UNK: variants seen among roughly 807,000 people sequenced by gnomAD.
The protein encoded by UNK is unk zinc finger.
A neutral mutation model predicts 97.6 loss-of-function variants in UNK; 32 were observed. That is an observed-to-expected ratio of 0.33 (90% CI 0.25 to 0.44). The LOEUF (loss-of-function observed/expected upper bound fraction) is 0.44. Ranked by LOEUF, UNK falls within the 20% of genes least tolerant of loss-of-function variation. The pLI is 1.00. For synonymous variants in UNK, 441 were observed against 461.2 expected (o/e 0.96, Z 0.56); for missense variants, 771 against 1,098.4 (o/e 0.70, Z 4.21).
intron 1 of UNK, chr17:75,785,221 G>A: frequency 6.0e-6 from 3 of 498,398 alleles, no homozygotes; most frequent in Non-Finnish European, 1.1e-5. Context: ...GGGAAGGCGG[G>A]AGCTCGGGAT....
intron 1 of UNK, among the ~76,000 whole-genome samples, chr17:75,798,794 C>T (rs562064920): frequency 3.9e-5 from 6 of 151,936 alleles, no homozygotes; most frequent in Admixed American, 6.6e-5. Context: ...TTGCTGGGCA[C>T]GGTGGCTCAC....
At chr17:75,803,977 T>A (rs2061887281) in intron 1 of UNK, among the ~76,000 whole-genome samples, 1 of 152,210 alleles carries the variant, frequency 6.6e-6, no homozygotes, top group African/African-American at 2.4e-5. Context: ...TTCAGGGAAG[T>A]CATGTTGATG....
At position 75,824,119 on chromosome 17, in the gene UNK, C is replaced by A; in HGVS notation, c.2278-143C>A. The stretch of plus-strand genomic sequence containing the variant: ...TGGACTCAGCCTGCTCTCTCACCTG[C>A]CAACAGGGGTCTGGGAGCACACTGT... On this transcript the variant is annotated intron_variant, in intron 15 of 15. Coordinates refer to ENST00000589666, the MANE Select transcript of UNK (RefSeq NM_001080419.3). The surrounding 1 kb of genome is among the most constrained non-coding windows in gnomAD (Gnocchi z 4.9). 9.7e-7 allele frequency: 1 copy of A among 1,035,318 alleles called. No homozygotes were observed. The highest frequency in any genetic ancestry group is 1.3e-6 in the Non-Finnish European group (1 of 758,624). The allele number at this position is 1,035,318 out of a possible 1,614,324, so 64.1% of individuals were successfully genotyped here. A position where few individuals can be genotyped will look rare whatever the true frequency, so the allele number is the denominator to read the frequency against.
chr17:75,806,320 G>T (rs992095345), intron 1 of UNK, among the ~76,000 whole-genome samples: 2 of 151,770 alleles, frequency 1.3e-5, no homozygotes, highest in African/African-American at 4.9e-5. Flanking sequence ...TTAGCCAGGC[G>T]TGGTAGCATG....
At chr17:75,812,433 C>G (rs1185746198) in intron 3 of UNK, 22 bp from the exon 4 acceptor site, 2 of 1,605,966 alleles carry the variant, frequency 1.2e-6, no homozygotes, top group African/African-American at 2.7e-5. Context: ...TCCACCCTCT[C>G]TGTTCTTTCC....
chr17:75,818,654 A>G lies in UNK; in HGVS notation c.1384A>G (p.Ile462Val), dbSNP rs1178881381. 15 of 1,595,042 alleles carry G rather than the reference A, an allele frequency of 9.4e-6. No homozygotes were observed. The East Asian group carries it at 3.2e-4, about 34-fold the overall frequency. The change falls in exon 11 of 16, where the codon ATC becomes GTC. Residue 462 changes from isoleucine to valine, a missense_variant. Coordinates refer to ENST00000589666, the MANE Select transcript of UNK (RefSeq NM_001080419.3). The surrounding 1 kb of genome is among the most constrained non-coding windows in gnomAD (Gnocchi z 5.1). ...LLQPKQDMLG[I>V]LPAGSPLTSS... ...TCTCTCGTTGCAGGACATGCTGGGC[A>G]TCCTCCCCGCAGGCAGCCCCCTGAC...
intron 1 of UNK, among the ~76,000 whole-genome samples, chr17:75,789,471 G>A (rs1314049966): frequency 1.3e-5 from 2 of 152,006 alleles, no homozygotes; most frequent in South Asian, 2.1e-4. Context: ...CCAGTAGCTG[G>A]GAGTACAGGC....
At chr17:75,793,364 T>TA in intron 1 of UNK, 1 of 949,552 alleles carries the variant, frequency 1.1e-6, no homozygotes, top group Non-Finnish European at 1.3e-6. Context: ...CTATACTATA[T>TA]TAGTTCAAGT....
intron 1 of UNK, chr17:75,785,297 G>A (rs567868107): frequency 3.1e-5 from 9 of 292,318 alleles, no homozygotes; most frequent in African/African-American, 1.8e-4. Flanking sequence ...TAAAACCACA[G>A]TAGTAGGCTC....
intron 1 of UNK, among the ~76,000 whole-genome samples, chr17:75,803,671 T>C (rs1381381940): frequency 6.6e-6 from 1 of 152,192 alleles, no homozygotes; most frequent in Non-Finnish European, 1.5e-5. Flanking sequence ...CATCAGTAAT[T>C]TTACTTGGTT....
At chr17:75,786,983 T>C (rs1282983816) in intron 1 of UNK, among the ~76,000 whole-genome samples, 1 of 152,228 alleles carries the variant, frequency 6.6e-6, no homozygotes, top group Non-Finnish European at 1.5e-5. Context: ...ATAGCCAAGC[T>C]TGATGGGAGG....
chr17:75,819,953 A>G lies in UNK; in HGVS notation c.1682A>G (p.Asn561Ser), dbSNP rs1236143658. The change falls in exon 13 of 16, where the codon AAC becomes AGC. Residue 561 changes from asparagine (N) to serine (S), a missense_variant. Asn to Ser is a conservative substitution (Grantham distance 46). This residue lies in a region of UNK where 91 missense variants were observed against 173.1 expected (regional missense o/e 0.53). Transcript: ENST00000589666. The surrounding 1 kb of genome is among the most constrained non-coding windows in gnomAD (Gnocchi z 5.4). The part of the protein sequence containing the change: ...GSLLQSSAPV[N>S]IPGSLGSSAS... ...TTGCTGCAGAGCTCTGCACCCGTGA[A>G]CATCCCCGGCTCCTTGGGCAGCTCT... 3 of 1,612,874 alleles carry G rather than the reference A, an allele frequency of 1.9e-6. No individual in the cohort carries two copies. The African/African-American group carries it at 4.0e-5, about 22-fold the overall frequency.
chr17:75,810,461 C>G (rs996446925), intron 2 of UNK, among the ~76,000 whole-genome samples: 1 of 148,874 alleles, frequency 6.7e-6, no homozygotes, highest in Non-Finnish European at 1.5e-5. Flanking sequence ...GAGTGTCACA[C>G]TAATGACAGA....
Position 75,812,597 on chromosome 17 carries a change from C to T in UNK, c.622+12C>T. The T allele has an allele frequency of 6.2e-7, 1 of 1,611,284 alleles. No homozygotes were observed. Among genetic ancestry groups the T allele is most frequent in the South Asian group, 1.1e-5 (1 of 90,764 alleles). ...GCCTCGGTGGCAAGGTACAGGCATC[C>T]ACACCTCGGCCGCGCCCTCCCTATA... On this transcript the variant is annotated intron_variant, in intron 4 of 15. Transcript: ENST00000589666.
chr17:75,784,896 G>A lies in UNK; in HGVS notation c.16G>A (p.Gly6Arg). 1 of 1,581,704 alleles carries A rather than the reference G, an allele frequency of 6.3e-7. No individual in the cohort carries two copies. Among genetic ancestry groups the A allele is most frequent in the South Asian group, 1.1e-5 (1 of 87,930 alleles). Residue 6 changes from glycine (G) to arginine (R), a missense_variant, in exon 1 of 16, where the codon GGG becomes AGG. Transcript: ENST00000589666. MSKGP[G>R]PGGSAASSAP... ...AGACAAGACCATGTCGAAGGGCCCC[G>A]GGCCCGGCGGCTCCGCAGCTTCCTC... is the stretch of plus-strand genomic sequence containing the variant.
Position 75,823,325 on chromosome 17 carries a change from G to T in UNK, c.2080G>T (p.Ala694Ser). 1 of 1,610,800 alleles carries T rather than the reference G, an allele frequency of 6.2e-7. No homozygotes were observed. The highest frequency in any genetic ancestry group is 8.5e-7 in the Non-Finnish European group (1 of 1,178,722). The change falls in exon 15 of 16, where the codon GCC (alanine) becomes TCC (serine). Residue 694 changes from alanine (A) to serine (S), a missense_variant. Transcript: ENST00000589666. ...EAGERASAAG[A>S]ECELAREQRD... Reference sequence around the variant, plus strand: ...TGGTGAGCGGGCCAGTGCGGCGGGCGCCGAGTGCGAGCTGGCCCGGGAGCA... The same window carrying T: ...TGGTGAGCGGGCCAGTGCGGCGGGCTCCGAGTGCGAGCTGGCCCGGGAGCA...
Position 75,818,047 on chromosome 17 carries a change from G to A in UNK, c.1306-56G>A. 5.1e-6 allele frequency: 8 copies of A among 1,581,324 alleles called. 1 individual carries two copies. The South Asian group carries it at 8.9e-5, about 18-fold the overall frequency. ...GGTACCTGCAGCCTCAGGGTCAGATGGACTCAGGGACCCCCCAGCACCACA... is the reference window on the plus strand; with the variant it reads ...GGTACCTGCAGCCTCAGGGTCAGATAGACTCAGGGACCCCCCAGCACCACA... On this transcript the variant is annotated intron_variant, in intron 9 of 15. Transcript: ENST00000589666. This position sits in a 1 kb window ranked among gnomAD's most constrained non-coding sequence, Gnocchi z 5.1.
chr17:75,803,539 A>G (rs2061883101), intron 1 of UNK, among the ~76,000 whole-genome samples: 1 of 152,242 alleles, frequency 6.6e-6, no homozygotes, highest in African/African-American at 2.4e-5. Context: ...TGTACAGCGG[A>G]AGAATAATTG....
Position 75,819,363 on chromosome 17 carries a change from G to C in UNK, c.1547-321G>C, listed in dbSNP as rs1599389165. ...GACCCGCCCACCCCCACTGATCCCG[G>C]GGCTGAGACCCTTGAGTTGTAACAT... On this transcript the variant is annotated intron_variant, in intron 11 of 15. Coordinates refer to ENST00000589666, the MANE Select transcript of UNK (RefSeq NM_001080419.3). The surrounding 1 kb of genome is among the most constrained non-coding windows in gnomAD (Gnocchi z 5.4). 1 of 382,584 alleles carries C rather than the reference G, an allele frequency of 2.6e-6. No individual in the cohort carries two copies. Among genetic ancestry groups the C allele is most frequent in the East Asian group, 5.8e-5 (1 of 17,184 alleles). 23.7% of individuals were successfully genotyped at this position (382,584 alleles called of 1,614,324 possible).
Sources: allele counts gnomAD v4.1 joint callset (sites outside exome capture counted in the v4.1 genomes callset), GRCh38; gene constraint gnomAD v4.1.1; regional missense constraint gnomAD v4.1.1; non-coding constraint Gnocchi (gnomAD v3.1); transcripts MANE v1.5; gene names NCBI Gene and HGNC (gene_info 2026-07-23, HGNC 2026-07-21).